GALNT3: variants seen among roughly 807,000 people sequenced by gnomAD.
The protein encoded by GALNT3 is GalNAc transferase 3.
GALNT3 carries 51 observed loss-of-function variants against 69.8 expected under a neutral mutation model. That is an observed-to-expected ratio of 0.73 (90% CI 0.58 to 0.92). The LOEUF is 0.92. Among genes scored for constraint, GALNT3 ranks in the 40% least tolerant of loss-of-function variants. GALNT3 has a pLI of 0.00. For synonymous variants in GALNT3, 265 were observed against 248.5 expected (o/e 1.07, Z -0.63); for missense variants, 711 against 760.0 (o/e 0.94, Z 0.76).
intron 3 of GALNT3, among the ~76,000 whole-genome samples, chr2:165,762,638 C>T (rs1399899102): frequency 6.6e-6 from 1 of 152,054 alleles, no homozygotes; most frequent in Non-Finnish European, 1.5e-5. Context: ...AGTCTCCTGA[C>T]AGTTTTATTT....
intron 2 of GALNT3, among the ~76,000 whole-genome samples, chr2:165,769,605 A>G (rs1228348180): frequency 6.6e-6 from 1 of 151,698 alleles, no homozygotes; most frequent in East Asian, 1.9e-4. Flanking sequence ...AATACACAAA[A>G]TTAGCCAGCT....
chr2:165,748,917 A>G lies in GALNT3; in HGVS notation c.1780-14T>C. The G allele has an allele frequency of 1.2e-6, 2 of 1,606,042 alleles. No homozygotes were observed. The highest frequency in any genetic ancestry group is 2.2e-5 in the South Asian group (2 of 90,550). On this transcript the variant is annotated splice_polypyrimidine_tract_variant and intron_variant, in intron 10 of 10. Transcript: ENST00000392701. ...TAGAAGTTGATCCTAGAATAAAAGG[A>G]AACAACAGACATTAAATTCCAAGAC...
At chr2:165,775,910 A>G (rs1031550443) in intron 1 of GALNT3, among the ~76,000 whole-genome samples, 8 of 152,180 alleles carry the variant, frequency 5.3e-5, no homozygotes, top group African/African-American at 1.9e-4. Flanking sequence ...TGGGTGTTTC[A>G]AAATAGATTC....
rs559429078 is a variant in GALNT3 at position 165,783,177 on chromosome 2, A to G, written c.-109+10838T>C. On this transcript the variant is annotated intron_variant, in intron 1 of 10. Transcript: ENST00000392701. ...CCAATTTCAATGGTCTACAAAGGAGAGCAGGCACAGATTTTTTCATGGATG... is the reference window on the plus strand; with the variant it reads ...CCAATTTCAATGGTCTACAAAGGAGGGCAGGCACAGATTTTTTCATGGATG... 2.0e-5 allele frequency among the ~76,000 whole-genome samples: 3 copies of G among 152,260 alleles called. No individual in the cohort carries two copies. The East Asian group carries it at 5.8e-4, about 29-fold the overall frequency.
At position 165,752,828 on chromosome 2, in the gene GALNT3, C is replaced by A. The variant is rs139894010; in HGVS notation, c.1626+1799G>T. Among the ~76,000 whole-genome samples the A allele has an allele frequency of 3.9e-5, 6 of 152,030 alleles. No homozygotes were observed. The East Asian group carries it at 1.2e-3, about 29-fold the overall frequency. ...AGATCAGTGTTATTTCCAAAGAATG[C>A]AATTATTTATGTAACTATTTTTCTT... On this transcript the variant is annotated intron_variant, in intron 9 of 10. Transcript: ENST00000392701.
intron 1 of GALNT3, among the ~76,000 whole-genome samples, chr2:165,774,428 T>C (rs987671862): frequency 6.6e-6 from 1 of 152,226 alleles, no homozygotes; most frequent in African/African-American, 2.4e-5. Context: ...CAAAACATTT[T>C]ATGTCAGAAA....
intron 2 of GALNT3, among the ~76,000 whole-genome samples, chr2:165,768,223 C>T (rs1450822790): frequency 1.3e-5 from 2 of 152,096 alleles, no homozygotes; most frequent in Non-Finnish European, 2.9e-5. Flanking sequence ...TTCACTCCAA[C>T]CAAAAAATGT....
chr2:165,773,794 T>C (rs1574010798), intron 1 of GALNT3, among the ~76,000 whole-genome samples: 1 of 138,152 alleles, frequency 7.2e-6, no homozygotes, highest in East Asian at 2.1e-4. Context: ...GAAGGAGGGG[T>C]GGTAAAAAAA....
At chr2:165,762,113 T>C in intron 3 of GALNT3, 59 bp from the exon 4 acceptor site, 2 of 1,164,080 alleles carry the variant, frequency 1.7e-6, no homozygotes, top group Admixed American at 3.7e-5. Flanking sequence ...ATATAGCTTA[T>C]GAAAGCTAAT....
At chr2:165,760,079 A>C (rs1206264864) in intron 4 of GALNT3, among the ~76,000 whole-genome samples, 2 of 152,204 alleles carry the variant, frequency 1.3e-5, no homozygotes, top group Non-Finnish European at 2.9e-5. Flanking sequence ...AAAGATGCAA[A>C]ATAACACCAG....
At chr2:165,777,070 A>C (rs959657179) in intron 1 of GALNT3, among the ~76,000 whole-genome samples, 4 of 152,138 alleles carry the variant, frequency 2.6e-5, no homozygotes, top group African/African-American at 9.7e-5. Flanking sequence ...GAACATTATA[A>C]TTTTACATGA....
rs145639324 is a variant in GALNT3 at position 165,781,878 on chromosome 2, T to C, written c.-108-11070A>G. Among the ~76,000 whole-genome samples, 491 of 152,310 alleles carry C rather than the reference T, an allele frequency of 3.2e-3. 3 individuals are homozygous for C. The highest frequency in any genetic ancestry group is 0.011 in the South Asian group (51 of 4,828). ...AAGCCATATTGTTGGCTCTGCTAGA[T>C]AAAAACAAATTGTTTTTGGTGGTCC... On this transcript the variant is annotated intron_variant, in intron 1 of 10. Coordinates refer to ENST00000392701, the MANE Select transcript of GALNT3 (RefSeq NM_004482.4).
chr2:165,754,587 A>C, intron 9 of GALNT3, 40 bp downstream of exon 9: 1 of 1,407,800 alleles, frequency 7.1e-7, no homozygotes, highest in South Asian at 1.2e-5. Flanking sequence ...TTGTGCTTGT[A>C]AATGCTTTAC....
intron 1 of GALNT3, among the ~76,000 whole-genome samples, chr2:165,778,242 T>C (rs946320490): frequency 3.7e-4 from 56 of 152,224 alleles, no homozygotes; most frequent in African/African-American, 1.2e-3. Flanking sequence ...TGATTACTTA[T>C]GGCATACTAC....
rs1217843084 is a variant in GALNT3 at position 165,748,417 on chromosome 2, A to G, written c.*364T>C. On this transcript the variant is annotated 3_prime_UTR_variant, in exon 11 of 11. Coordinates refer to ENST00000392701, the MANE Select transcript of GALNT3 (RefSeq NM_004482.4). ...ACAAATCTTTCTTCCTATCCCCCCA[A>G]AAAACTAGGGGAAATATTTTAAATT... 4 of 278,748 alleles carry G rather than the reference A, an allele frequency of 1.4e-5. No individual in the cohort carries two copies. The highest frequency in any genetic ancestry group is 2.7e-5 in the Non-Finnish European group (4 of 146,368). The allele number at this position is 278,748 out of a possible 1,614,324, so 17.3% of individuals were successfully genotyped here.
intron 4 of GALNT3, among the ~76,000 whole-genome samples, chr2:165,760,199 T>A (rs1404134294): frequency 1.3e-5 from 2 of 152,178 alleles, no homozygotes; most frequent in African/African-American, 4.8e-5. Context: ...TAAACTCGTA[T>A]CTCCCTGAAT....
chr2:165,780,620 T>A (rs188915101), intron 1 of GALNT3, among the ~76,000 whole-genome samples: 1 of 152,162 alleles, frequency 6.6e-6, no homozygotes, highest in African/African-American at 2.4e-5. Context: ...TTCAGATTCA[T>A]CTGCAAATCA....
intron 9 of GALNT3, among the ~76,000 whole-genome samples, chr2:165,751,747 ATATT>A (rs1688361514): frequency 6.6e-6 from 1 of 152,102 alleles, no homozygotes; most frequent in Non-Finnish European, 1.5e-5. Flanking sequence ...CATAACCAAA[ATATT>A]TATTTTTATT....
chr2:165,761,714 C>T (rs1035025031), intron 4 of GALNT3, 191 bp downstream of exon 4: 6 of 724,858 alleles, frequency 8.3e-6, no homozygotes, highest in Non-Finnish European at 1.5e-5. Context: ...GATAAGAATT[C>T]TGCATAAGTG....
Sources: gnomAD v4.1 joint callset for allele counts (sites outside exome capture counted in the v4.1 genomes callset) on GRCh38, gnomAD v4.1.1 for gene constraint, MANE v1.5 for transcripts, NCBI Gene and HGNC (gene_info 2026-07-23, HGNC 2026-07-21) for gene names.